SLC4A4: variants seen among roughly 807,000 people sequenced by gnomAD.
SLC4A4 encodes the protein electrogenic sodium bicarbonate cotransporter 1.
In SLC4A4, 27 loss-of-function variants were observed where a neutral mutation model predicts 111.5. That is an observed-to-expected ratio of 0.24 (90% confidence interval 0.18 to 0.33). SLC4A4 has a LOEUF of 0.33. SLC4A4 is among the 10% of genes least tolerant of loss of function. The probability of loss-of-function intolerance (pLI) is 1.00; values close to 1 mark genes in which losing one functional copy is unlikely to be tolerated. For synonymous variants in SLC4A4, 443 were observed against 463.4 expected (o/e 0.96, Z 0.57); for missense variants, 909 against 1,315.5 (o/e 0.69, Z 4.78).
intron 3 of SLC4A4, among the ~76,000 whole-genome samples, chr4:71,281,773 C>T (rs79192237): frequency 0.11 from 16,672 of 152,162 alleles, 1,004 homozygotes; most frequent in South Asian, 0.28. Flanking sequence ...GCAGATTCTT[C>T]CTCCTTCAAA....
At chr4:71,232,146 G>C (rs1013800611) in intron 1 of SLC4A4, among the ~76,000 whole-genome samples, 1 of 152,184 alleles carries the variant, frequency 6.6e-6, no homozygotes, top group Non-Finnish European at 1.5e-5. Context: ...ACAGGGAAGA[G>C]GCTGCTTTGA....
At chr4:71,392,237 T>G (rs1381748538) in intron 6 of SLC4A4, among the ~76,000 whole-genome samples, 1 of 152,076 alleles carries the variant, frequency 6.6e-6, no homozygotes, top group Non-Finnish European at 1.5e-5. Context: ...CAAAACAAAA[T>G]TATTTATTTG....
intron 3 of SLC4A4, among the ~76,000 whole-genome samples, chr4:71,301,762 G>A (rs1277249231): frequency 6.6e-6 from 1 of 152,222 alleles, no homozygotes; most frequent in Non-Finnish European, 1.5e-5. Flanking sequence ...ACCACAGCCA[G>A]CCAGGAATCC....
rs527447900 is a variant in SLC4A4 at position 71,543,063 on chromosome 4, G to A, written c.2443-3287G>A. On this transcript the variant is annotated intron_variant, in intron 18 of 25. Coordinates refer to ENST00000264485, the MANE Select transcript of SLC4A4 (RefSeq NM_001098484.3). Reference sequence around the variant, plus strand: ...TTATGCACAATGTGACACCGCAAATGTGGCTGATGTTGTGAAGGAGAAGGA... The same window carrying A: ...TTATGCACAATGTGACACCGCAAATATGGCTGATGTTGTGAAGGAGAAGGA... 1.2e-4 allele frequency among the ~76,000 whole-genome samples: 18 copies of A among 152,238 alleles called. No homozygotes were observed. The South Asian group carries it at 3.7e-3, about 32-fold the overall frequency.
chr4:71,249,341 T>G (rs912277500), intron 2 of SLC4A4, among the ~76,000 whole-genome samples: 1 of 152,186 alleles, frequency 6.6e-6, no homozygotes, highest in Non-Finnish European at 1.5e-5. Context: ...TTATTTTTTA[T>G]GTAAAAAAAT....
Position 71,536,476 on chromosome 4 carries a change from A to ATATATATATATG in SLC4A4, c.2442+2096_2442+2107dup, listed in dbSNP as rs1165894191. The stretch of plus-strand genomic sequence containing the variant: ...TATATACATATATACATATATATAT[A>ATATATATATATG]TATATATATATGTATATATTTATTT... On this transcript the variant is annotated intron_variant, in intron 18 of 25. Transcript: ENST00000264485. Among the ~76,000 whole-genome samples the ATATATATATATG allele has an allele frequency of 5.4e-4, 50 of 93,118 alleles. 2 individuals carry two copies. Among genetic ancestry groups the ATATATATATATG allele is most frequent in the African/African-American group, 1.7e-3 (47 of 26,998 alleles). 61.1% of individuals were successfully genotyped at this position (93,118 alleles called of 152,430 possible).
intron 2 of SLC4A4, among the ~76,000 whole-genome samples, chr4:71,248,354 A>G (rs1471414931): frequency 6.6e-6 from 1 of 151,522 alleles, no homozygotes; most frequent in African/African-American, 2.4e-5. Flanking sequence ...TGTGCATTAA[A>G]TAAATATATA....
At chr4:71,132,100 A>G (rs1275698858) in intron 2 of SLC4A4, among the ~76,000 whole-genome samples, 2 of 152,172 alleles carry the variant, frequency 1.3e-5, no homozygotes, top group South Asian at 2.1e-4. Context: ...AAAAAATAAT[A>G]ATTTTGTCCT....
intron 3 of SLC4A4, among the ~76,000 whole-genome samples, chr4:71,292,737 T>C (rs1425080681): frequency 6.7e-6 from 1 of 149,510 alleles, no homozygotes; most frequent in African/African-American, 2.5e-5. Context: ...CGGGAAAAAA[T>C]GAGAGGAAAA....
chr4:71,107,536 G>C (rs866894390), intron 2 of SLC4A4, among the ~76,000 whole-genome samples: 35 of 152,092 alleles, frequency 2.3e-4, no homozygotes, highest in African/African-American at 8.4e-4. Context: ...TTTTAGTAGA[G>C]ACGGGGTTTC....
chr4:71,338,589 G>A (rs1168489586), intron 3 of SLC4A4, among the ~76,000 whole-genome samples: 1 of 147,000 alleles, frequency 6.8e-6, no homozygotes, highest in Non-Finnish European at 1.5e-5. Context: ...TTGAAAGGGA[G>A]TAACCCATGA....
chr4:71,221,531 A>G (rs1166887669), intron 1 of SLC4A4, among the ~76,000 whole-genome samples: 1 of 152,196 alleles, frequency 6.6e-6, no homozygotes, highest in Non-Finnish European at 1.5e-5. Context: ...TATTTAAGGT[A>G]TCAATTTGAA....
intron 2 of SLC4A4, among the ~76,000 whole-genome samples, chr4:71,134,168 T>C (rs1290241828): frequency 6.6e-6 from 1 of 152,240 alleles, no homozygotes; most frequent in East Asian, 1.9e-4. Context: ...GGTTATATTA[T>C]GAAATAAAAT....
At chr4:71,310,646 AC>A (rs2148853084) in intron 3 of SLC4A4, among the ~76,000 whole-genome samples, 1 of 152,354 alleles carries the variant, frequency 6.6e-6, no homozygotes, top group South Asian at 2.1e-4. Context: ...GGATTTTGTC[AC>A]CACCAGGCCT....
intron 3 of SLC4A4, among the ~76,000 whole-genome samples, chr4:71,338,537 C>G (rs1728612338): frequency 6.7e-6 from 1 of 149,294 alleles, no homozygotes; most frequent in South Asian, 2.1e-4. Flanking sequence ...TCTTCTTCTT[C>G]TTTCTTCTTT....
At chr4:71,155,297 A>G (rs1744427932) in intron 2 of SLC4A4, among the ~76,000 whole-genome samples, 1 of 152,104 alleles carries the variant, frequency 6.6e-6, no homozygotes, top group Non-Finnish European at 1.5e-5. Context: ...GTTTCTGCTG[A>G]GTGGAATTTG....
intron 2 of SLC4A4, among the ~76,000 whole-genome samples, chr4:71,140,116 G>C (rs1345119026): frequency 6.6e-6 from 1 of 152,086 alleles, no homozygotes; most frequent in Non-Finnish European, 1.5e-5. Flanking sequence ...AGCATCCAAT[G>C]GGAATAAACA....
At chr4:71,430,623 T>G (rs983608121) in intron 7 of SLC4A4, among the ~76,000 whole-genome samples, 2 of 152,138 alleles carry the variant, frequency 1.3e-5, no homozygotes, top group African/African-American at 2.4e-5. Flanking sequence ...GAATTCTTGG[T>G]GAGTTCACAG....
At chr4:71,109,818 T>C (rs1743040215) in intron 2 of SLC4A4, among the ~76,000 whole-genome samples, 1 of 152,036 alleles carries the variant, frequency 6.6e-6, no homozygotes, top group Non-Finnish European at 1.5e-5. Context: ...GCTGGGATTA[T>C]AGACATGAGC....
Sources: gnomAD v4.1 joint callset for allele counts (sites outside exome capture counted in the v4.1 genomes callset) on GRCh38, gnomAD v4.1.1 for gene constraint, MANE v1.5 for transcripts, NCBI Gene and HGNC (gene_info 2026-07-23, HGNC 2026-07-21) for gene names.